Variants in ERC2 observed in about 807,000 individuals in gnomAD.
ERC2 encodes ERC protein 2.
Under a neutral mutation model 114.8 loss-of-function variants are expected in ERC2, and 42 were observed. The ratio of observed to expected loss-of-function variants is 0.37; its 90% CI spans 0.29 to 0.47. The LOEUF (loss-of-function observed/expected upper bound fraction) is 0.47, where lower values mean the gene tolerates loss of function less well. Among genes scored for constraint, ERC2 ranks in the 20% least tolerant of loss-of-function variants. The pLI, the probability that ERC2 is intolerant of heterozygous loss-of-function variation, is 0.99. For synonymous variants in ERC2, 454 were observed against 425.5 expected (o/e 1.07, Z -0.82); for missense variants, 939 against 1,150.7 (o/e 0.82, Z 2.66).
chr3:56,275,927 AC>A (rs1185399875), intron 3 of ERC2, among the ~76,000 whole-genome samples: 1 of 152,206 alleles, frequency 6.6e-6, no homozygotes, highest in Non-Finnish European at 1.5e-5. Context: ...CCAGCAAAGA[AC>A]TATCCAGCCC....
At chr3:56,336,177 C>A (rs114934117) in intron 2 of ERC2, among the ~76,000 whole-genome samples, 2 of 152,122 alleles carry the variant, frequency 1.3e-5, no homozygotes, top group South Asian at 4.2e-4. Context: ...AATACCAGCT[C>A]TGCCTGACAT....
chr3:56,086,305 G>A (rs901792087), intron 6 of ERC2, among the ~76,000 whole-genome samples: 6 of 152,040 alleles, frequency 3.9e-5, no homozygotes, highest in African/African-American at 1.4e-4. Context: ...TGATCAGCAC[G>A]TTACTCAAAC....
At chr3:56,044,689 TA>T (rs1250859741) in intron 7 of ERC2, among the ~76,000 whole-genome samples, 1 of 152,092 alleles carries the variant, frequency 6.6e-6, no homozygotes, top group Admixed American at 6.6e-5. Context: ...TAAGAAGAGA[TA>T]GCATTTCAAA....
At chr3:55,913,857 T>G (rs1037127314) in intron 13 of ERC2, among the ~76,000 whole-genome samples, 1 of 152,206 alleles carries the variant, frequency 6.6e-6, no homozygotes, top group Non-Finnish European at 1.5e-5. Flanking sequence ...TACATGGTTC[T>G]AGCTAACACT....
In ERC2 at chr3:55,864,804, TG is replaced by T. The variant is rs1415406731; in HGVS notation, c.2564+23584del. On this transcript the variant is annotated intron_variant, in intron 14 of 17. Coordinates refer to ENST00000288221, the MANE Select transcript of ERC2 (RefSeq NM_015576.3). ...GTACCACCACCACAGCCATCATCAT[TG>T]GGTCATCATCACCATTGTCATCACA... is the stretch of plus-strand genomic sequence containing the variant. Among the ~76,000 whole-genome samples the T allele has an allele frequency of 2.0e-5, 3 of 152,202 alleles. 1 individual carries two copies. The highest frequency in any genetic ancestry group is 1.5e-5 in the Non-Finnish European group (1 of 67,992).
chr3:56,090,744 T>C (rs2077742855), intron 6 of ERC2, among the ~76,000 whole-genome samples: 1 of 151,456 alleles, frequency 6.6e-6, no homozygotes, highest in Non-Finnish European at 1.5e-5. Flanking sequence ...ACCCAAATAG[T>C]GAACATTGTG....
At chr3:56,366,919 A>G (rs2059171967) in intron 2 of ERC2, among the ~76,000 whole-genome samples, 1 of 152,164 alleles carries the variant, frequency 6.6e-6, no homozygotes, top group African/African-American at 2.4e-5. Flanking sequence ...CAGAGAGAAC[A>G]TTCTCTGGTT....
chr3:56,343,020 G>A (rs750184689), intron 2 of ERC2, among the ~76,000 whole-genome samples: 6 of 151,948 alleles, frequency 3.9e-5, no homozygotes, highest in Admixed American at 3.9e-4. Flanking sequence ...CCTTCCTTTT[G>A]ATCTTCATCA....
chr3:55,753,672 T>C (rs1304158384), intron 14 of ERC2, among the ~76,000 whole-genome samples: 2 of 152,200 alleles, frequency 1.3e-5, no homozygotes, highest in African/African-American at 4.8e-5. Flanking sequence ...GGGGCAAACA[T>C]AAATTCACGA....
chr3:56,152,538 C>T (rs1184002739), intron 4 of ERC2, among the ~76,000 whole-genome samples: 2 of 152,060 alleles, frequency 1.3e-5, no homozygotes, highest in Non-Finnish European at 2.9e-5. Context: ...CAGACATGGA[C>T]CCCCATACTC....
intron 4 of ERC2, among the ~76,000 whole-genome samples, chr3:56,161,742 T>G (rs779257051): frequency 7.2e-5 from 11 of 152,210 alleles, no homozygotes; most frequent in Non-Finnish European, 1.3e-4. Flanking sequence ...TTTATTACAT[T>G]GATTTTGTAT....
chr3:56,137,009 CATA>C (rs1477808365), intron 6 of ERC2, among the ~76,000 whole-genome samples: 1 of 152,166 alleles, frequency 6.6e-6, no homozygotes, highest in Non-Finnish European at 1.5e-5. Flanking sequence ...AAGCTATCCA[CATA>C]ATGTCACCAC....
At chr3:55,721,982 T>C (rs749837876) in intron 15 of ERC2, among the ~76,000 whole-genome samples, 4 of 152,172 alleles carry the variant, frequency 2.6e-5, no homozygotes, top group Non-Finnish European at 5.9e-5. Context: ...ATCAGTTAAT[T>C]GTAGTTTCTG....
chr3:56,047,332 T>A (rs549471699), intron 7 of ERC2, among the ~76,000 whole-genome samples: 1 of 152,156 alleles, frequency 6.6e-6, no homozygotes, highest in Admixed American at 6.5e-5. Flanking sequence ...TCAGAGCATA[T>A]GTTTGGGGTA....
intron 17 of ERC2, among the ~76,000 whole-genome samples, chr3:55,551,168 G>A (rs1044692199): frequency 6.6e-6 from 1 of 151,802 alleles, no homozygotes; most frequent in African/African-American, 2.4e-5. Flanking sequence ...ATATACACAT[G>A]AATATATACA....
At chr3:55,529,170 T>C (rs1368672176) in intron 17 of ERC2, among the ~76,000 whole-genome samples, 2 of 152,208 alleles carry the variant, frequency 1.3e-5, no homozygotes, top group Non-Finnish European at 2.9e-5. Flanking sequence ...AAGTCTACCT[T>C]TGGATTCTTT....
intron 14 of ERC2, among the ~76,000 whole-genome samples, chr3:55,854,168 G>A (rs1038205956): frequency 1.3e-5 from 2 of 152,120 alleles, no homozygotes; most frequent in African/African-American, 4.8e-5. Context: ...CCAGCTACTT[G>A]GGAAGCTGAG....
intron 1 of ERC2, among the ~76,000 whole-genome samples, chr3:56,440,546 TCA>T (rs2062248551): frequency 9.5e-6 from 1 of 105,338 alleles, no homozygotes. Context: ...AGACTCTGTC[TCA>T]AAAAAAAAAA....
At chr3:55,648,748 G>A (rs2060492970) in intron 17 of ERC2, among the ~76,000 whole-genome samples, 3 of 152,136 alleles carry the variant, frequency 2.0e-5, no homozygotes, top group East Asian at 1.9e-4. Flanking sequence ...CATGGCTGCC[G>A]AGGACTGAGC....
Sources: allele counts gnomAD v4.1 joint callset (sites outside exome capture counted in the v4.1 genomes callset), GRCh38; gene constraint gnomAD v4.1.1; transcripts MANE v1.5; gene names NCBI Gene and HGNC (gene_info 2026-07-23, HGNC 2026-07-21).